VAC14: variants seen among roughly 807,000 people sequenced by gnomAD.
VAC14 encodes VAC14 component of PIKFYVE complex.
Under a neutral mutation model 85.3 loss-of-function variants are expected in VAC14, and 47 were observed. The ratio of observed to expected loss-of-function variants is 0.55; its 90% CI spans 0.44 to 0.70. The LOEUF (loss-of-function observed/expected upper bound fraction) is 0.70, where lower values mean the gene tolerates loss of function less well. VAC14 is among the 30% of genes least tolerant of loss of function. The pLI is 0.00. For missense variants in VAC14, 861 were observed against 1,004.3 expected, an observed-to-expected ratio of 0.86 and a Z score of 1.93; for synonymous variants, 447 against 430.5, an observed-to-expected ratio of 1.04 and a Z score of -0.47.
chr16:70,729,945 C>A (rs2054541635), intron 14 of VAC14, among the ~76,000 whole-genome samples: 1 of 151,834 alleles, frequency 6.6e-6, no homozygotes, highest in South Asian at 2.1e-4. Context: ...CTTTTTGATG[C>A]CCCCAAAGTA....
chr16:70,744,873 A>G (rs1388333254), intron 12 of VAC14, among the ~76,000 whole-genome samples: 2 of 152,228 alleles, frequency 1.3e-5, no homozygotes, highest in Admixed American at 6.5e-5. Context: ...GGGTCCCTTG[A>G]ACAGGGCTCT....
intron 12 of VAC14, chr16:70,761,022 TGGGGGGGC>T (rs2032324436): frequency 1.1e-5 from 2 of 190,060 alleles, no homozygotes; most frequent in African/African-American, 1.0e-4. Context: ...TGTGTGTGCA[TGGGGGGGC>T]GGGGGGTAGG....
chr16:70,773,450 A>G (rs1160858847), intron 9 of VAC14, among the ~76,000 whole-genome samples: 1 of 152,160 alleles, frequency 6.6e-6, no homozygotes, highest in African/African-American at 2.4e-5. Context: ...CATCTAATCA[A>G]GTTTCCTAAA....
At chr16:70,691,670 T>C in intron 18 of VAC14, 1 of 985,184 alleles carries the variant, frequency 1.0e-6, no homozygotes, top group Middle Eastern at 5.2e-4. Context: ...TCTGGGGAAA[T>C]GGGGCAGGGA....
In VAC14 at chr16:70,762,838, G is replaced by A. The variant is rs757872895; in HGVS notation, c.1305+43C>T. 5.4e-5 allele frequency: 87 copies of A among 1,612,628 alleles called. 1 individual carries two copies. The highest frequency in any genetic ancestry group is 3.1e-4 in the South Asian group (28 of 90,908). ...TGGGCAGGCCCTGGAAAACCAAGGC[G>A]GACCCAGAAGAGGCCCCTGGCTTGG... On this transcript the variant is annotated intron_variant, in intron 11 of 18. Coordinates refer to ENST00000261776, the MANE Select transcript of VAC14 (RefSeq NM_018052.5). The surrounding 1 kb of genome is among the most constrained non-coding windows in gnomAD (Gnocchi z 4.1).
chr16:70,777,049 C>T (rs1286298971), intron 9 of VAC14, among the ~76,000 whole-genome samples: 3 of 150,822 alleles, frequency 2.0e-5, no homozygotes, highest in South Asian at 2.1e-4. Flanking sequence ...CCTCGTGATC[C>T]GCCCACCTCA....
chr16:70,696,942 C>T, intron 16 of VAC14, 197 bp downstream of exon 16: 1 of 533,580 alleles, frequency 1.9e-6, no homozygotes, highest in Non-Finnish European at 3.4e-6. Flanking sequence ...CCCCTCTTTG[C>T]TGCCAATCTC....
chr16:70,698,865 GTC>G (rs1051977625), intron 14 of VAC14, 54 bp from the exon 15 acceptor site: 54 of 1,585,952 alleles, frequency 3.4e-5, no homozygotes, highest in Admixed American at 8.5e-5. Context: ...AAGGCTCTGT[GTC>G]TCAGCCTGGG....
chr16:70,752,238 GTTC>G (rs1446050454), intron 12 of VAC14, among the ~76,000 whole-genome samples: 2 of 152,348 alleles, frequency 1.3e-5, no homozygotes, highest in Non-Finnish European at 2.9e-5. Flanking sequence ...TGACTGTTAG[GTTC>G]CACTGATTAA....
intron 1 of VAC14, among the ~76,000 whole-genome samples, chr16:70,797,211 G>A (rs2034583360): frequency 6.6e-6 from 1 of 152,234 alleles, no homozygotes; most frequent in Non-Finnish European, 1.5e-5. Flanking sequence ...TCTAGAGGCT[G>A]CCAGCATTCC....
At chr16:70,689,748 G>A (rs1423002607) in intron 18 of VAC14, 11 of 985,410 alleles carry the variant, frequency 1.1e-5, no homozygotes, top group Non-Finnish European at 1.3e-5. Context: ...GCTGGGCGGG[G>A]CCATTCTAGA....
At chr16:70,717,247 T>C (rs553329943) in intron 14 of VAC14, among the ~76,000 whole-genome samples, 7 of 152,280 alleles carry the variant, frequency 4.6e-5, no homozygotes, top group African/African-American at 1.7e-4. Context: ...TGCTGAAGGC[T>C]GGGGTGCCGA....
At chr16:70,756,090 A>G in intron 12 of VAC14, 1 of 456,768 alleles carries the variant, frequency 2.2e-6, no homozygotes, top group South Asian at 1.5e-5. Context: ...AGGATAAGGT[A>G]AGGGAGTACA....
In VAC14 at chr16:70,688,003, G is replaced by A. The variant is rs762626933; in HGVS notation, c.2274C>T (p.Val758=). ...GCCGCACTTCCAGGTGCTTGTTCTG[G>A]ACCTTCTCAAAGTGCTGCAGCAGCT... ...YAELLQHFEK[V]QNKHLEVRHQ... Residue 758 remains valine (V), a synonymous_variant, in exon 19 of 19, where the codon GTC becomes GTT. Coordinates refer to ENST00000261776, the MANE Select transcript of VAC14 (RefSeq NM_018052.5). The A allele has an allele frequency of 1.6e-5, 26 of 1,606,714 alleles. No homozygotes were observed. Among genetic ancestry groups the A allele is most frequent in the African/African-American group, 2.7e-5 (2 of 74,648 alleles).
chr16:70,705,766 G>T (rs539328454), intron 14 of VAC14, among the ~76,000 whole-genome samples: 1 of 152,318 alleles, frequency 6.6e-6, no homozygotes, highest in East Asian at 1.9e-4. Flanking sequence ...GCCTCAGCTG[G>T]CAAGTTCCAG....
At chr16:70,763,954 G>C (rs983501696) in intron 10 of VAC14, among the ~76,000 whole-genome samples, 1 of 152,128 alleles carries the variant, frequency 6.6e-6, no homozygotes, top group Admixed American at 6.5e-5. Context: ...TTCCTACCGA[G>C]GCACTACACT....
chr16:70,786,483 G>C, intron 1 of VAC14, 118 bp from the exon 2 acceptor site: 1 of 1,339,378 alleles, frequency 7.5e-7, no homozygotes. Context: ...ATGGGAGACA[G>C]GCGTCTCAGG....
At chr16:70,798,078 TTA>T (rs576171922) in intron 1 of VAC14, among the ~76,000 whole-genome samples, 6 of 152,308 alleles carry the variant, frequency 3.9e-5, no homozygotes, top group Middle Eastern at 3.4e-3. Context: ...ATGCATATTA[TTA>T]TTATGCTCTT....
At chr16:70,723,280 A>T (rs948336951) in intron 14 of VAC14, among the ~76,000 whole-genome samples, 1 of 151,644 alleles carries the variant, frequency 6.6e-6, no homozygotes, top group Non-Finnish European at 1.5e-5. Context: ...ACTTCCTCTT[A>T]CTCCAAAATA....
Sources: allele counts gnomAD v4.1 joint callset (sites outside exome capture counted in the v4.1 genomes callset), GRCh38; gene constraint gnomAD v4.1.1; non-coding constraint Gnocchi (gnomAD v3.1); transcripts MANE v1.5; gene names NCBI Gene and HGNC (gene_info 2026-07-23, HGNC 2026-07-21).